Variants in WDR49 observed in about 807,000 individuals in gnomAD.
WDR49 encodes the protein WD repeat domain 49.
In WDR49, 107 loss-of-function variants were observed where a neutral mutation model predicts 119.5. The ratio of observed to expected loss-of-function variants is 0.90; its 90% CI spans 0.77 to 1.05. The LOEUF is 1.05. Among genes scored for constraint, WDR49 ranks in the 50% least tolerant of loss-of-function variants. The pLI is 0.00. For missense variants in WDR49, 1,240 were observed against 1,220.5 expected (o/e 1.02, Z -0.24); for synonymous variants, 425 against 418.8 (o/e 1.01, Z -0.18).
At chr3:167,587,525 A>T (rs1240563952) in intron 7 of WDR49, among the ~76,000 whole-genome samples, 1 of 152,024 alleles carries the variant, frequency 6.6e-6, no homozygotes, top group Non-Finnish European at 1.5e-5. Flanking sequence ...CCTCTCTGTC[A>T]CCCAGGCTGG....
At position 167,602,150 on chromosome 3, in the gene WDR49, G is replaced by GTTGTT. The variant is rs1560307661; in HGVS notation, c.1247_1251dup (p.Leu418AsnfsTer12). The GTTGTT allele has an allele frequency of 6.2e-7, 1 of 1,600,156 alleles. No individual in the cohort carries two copies. Among genetic ancestry groups the GTTGTT allele is most frequent in the Non-Finnish European group, 8.5e-7 (1 of 1,170,220 alleles). The stretch of plus-strand genomic sequence containing the variant: ...ACTTTATCCTTGGAGAAGCTGAAAA[G>GTTGTT]TTGTTTTCTTTCCACAAAGAATTGG... On this transcript the variant is annotated frameshift_variant, in exon 7 of 19. Transcript: ENST00000682715. LOFTEE classifies it high-confidence loss of function.
intron 2 of WDR49, among the ~76,000 whole-genome samples, chr3:167,637,952 T>C (rs1250581532): frequency 6.6e-6 from 1 of 151,592 alleles, no homozygotes; most frequent in Non-Finnish European, 1.5e-5. Flanking sequence ...CAGTTTGACT[T>C]CCTCTTTACC....
In WDR49 at chr3:167,627,032, G is replaced by A. The variant is rs1461838932; in HGVS notation, c.426C>T (p.Thr142=). ...LEFLPVKHKD[T]IQKVIFLKNS... is the part of the protein sequence containing the mutation. ...TTTTTAAGAAAATTACTTTTTGAAT[G>A]GTGTCCTTGTGTTTTACTGGGAGGA... The change falls in exon 3 of 19, where the codon ACC becomes ACT. Residue 142 remains threonine (T), a synonymous_variant. Transcript: ENST00000682715. 9.0e-6 allele frequency: 12 copies of A among 1,326,602 alleles called. No homozygotes were observed. The Admixed American group carries it at 1.3e-4, about 15-fold the overall frequency. The allele number at this position is 1,326,602 out of a possible 1,614,324, so 82.2% of individuals were successfully genotyped here.
At chr3:167,491,047 T>G (rs915874394) in intron 18 of WDR49, among the ~76,000 whole-genome samples, 1 of 152,084 alleles carries the variant, frequency 6.6e-6, no homozygotes, top group Non-Finnish European at 1.5e-5. Context: ...CTATACAGAC[T>G]TTTGGTTGCC....
At chr3:167,543,211 T>G (rs1269809295) in intron 10 of WDR49, among the ~76,000 whole-genome samples, 1 of 151,942 alleles carries the variant, frequency 6.6e-6, no homozygotes, top group Non-Finnish European at 1.5e-5. Flanking sequence ...TATCAGACAT[T>G]CAAAGAATAA....
chr3:167,480,247 TAAAAAAAAAAAAAA>T (rs1162973369), intron 18 of WDR49, among the ~76,000 whole-genome samples: 5 of 55,070 alleles, frequency 9.1e-5, no homozygotes, highest in Non-Finnish European at 1.6e-4. Flanking sequence ...AGACTCTGTC[TAAAAAAAAAAAAAA>T]AAAAAAAAAA....
At chr3:167,495,163 A>G (rs1173987475) in intron 18 of WDR49, among the ~76,000 whole-genome samples, 1 of 152,154 alleles carries the variant, frequency 6.6e-6, no homozygotes, top group Non-Finnish European at 1.5e-5. Flanking sequence ...GGAAAAATAT[A>G]TATATTAGAA....
intron 2 of WDR49, among the ~76,000 whole-genome samples, chr3:167,629,685 A>G (rs1717283074): frequency 6.6e-6 from 1 of 152,156 alleles, no homozygotes; most frequent in Non-Finnish European, 1.5e-5. Flanking sequence ...AAGAATATTC[A>G]TAATTCATGG....
intron 13 of WDR49, among the ~76,000 whole-genome samples, chr3:167,530,677 A>T (rs894942174): frequency 6.6e-6 from 1 of 152,000 alleles, no homozygotes; most frequent in Non-Finnish European, 1.5e-5. Context: ...CATGCTCCTC[A>T]TTATTCTCTT....
intron 7 of WDR49, among the ~76,000 whole-genome samples, chr3:167,576,992 T>C (rs1714284382): frequency 6.6e-6 from 1 of 152,082 alleles, no homozygotes; most frequent in African/African-American, 2.4e-5. Context: ...TTTGGTAAAA[T>C]AAAAGAAGTG....
chr3:167,622,971 C>T (rs2108323609), intron 3 of WDR49, among the ~76,000 whole-genome samples: 1 of 152,030 alleles, frequency 6.6e-6, no homozygotes, highest in East Asian at 1.9e-4. Flanking sequence ...TTCTAAGTAA[C>T]CAATGGGTCA....
chr3:167,653,333 T>C lies in WDR49; in HGVS notation c.93A>G (p.Glu31=), dbSNP rs1478091500. The C allele has an allele frequency of 3.3e-6, 5 of 1,536,172 alleles. No homozygotes were observed. The highest frequency in any genetic ancestry group is 4.4e-6 in the Non-Finnish European group (5 of 1,146,906). Residue 31 remains glutamate (E), a synonymous_variant, in exon 2 of 19, where the codon GAA becomes GAG. Coordinates refer to ENST00000682715, the MANE Select transcript of WDR49 (RefSeq NM_001366157.1). ...TTTCAAGCAGGCCTGTGCCATAGTC[T>C]TCAAATGCAGTTACACCTTCTGTTC... ...PERTEGVTAF[E]DYGTGLLENQ... is the part of the protein sequence containing the mutation.
intron 8 of WDR49, among the ~76,000 whole-genome samples, chr3:167,565,022 C>T (rs1371041042): frequency 1.3e-5 from 2 of 151,740 alleles, no homozygotes; most frequent in Middle Eastern, 3.4e-3. Flanking sequence ...GTTTATGGTC[C>T]TATAATATAA....
intron 5 of WDR49, among the ~76,000 whole-genome samples, chr3:167,605,311 C>T (rs976107343): frequency 2.6e-5 from 4 of 151,960 alleles, no homozygotes; most frequent in Non-Finnish European, 5.9e-5. Flanking sequence ...TAGAAAATTC[C>T]ATAGCTATCT....
Position 167,547,163 on chromosome 3 carries a change from A to T in WDR49, c.1823+7487T>A, listed in dbSNP as rs572306858. On this transcript the variant is annotated intron_variant, in intron 10 of 18. Coordinates refer to ENST00000682715, the MANE Select transcript of WDR49 (RefSeq NM_001366157.1). Reference sequence around the variant, plus strand: ...TAATAATGGAAACCAATTGAGTCATACAGAGTTATAGTTTCTTAGTAAGGC... The same window carrying T: ...TAATAATGGAAACCAATTGAGTCATTCAGAGTTATAGTTTCTTAGTAAGGC... 2.0e-5 allele frequency among the ~76,000 whole-genome samples: 3 copies of T among 152,002 alleles called. No homozygotes were observed. The East Asian group carries it at 5.8e-4, about 29-fold the overall frequency.
chr3:167,545,453 C>T (rs981245090), intron 10 of WDR49, among the ~76,000 whole-genome samples: 1 of 144,484 alleles, frequency 6.9e-6, no homozygotes, highest in Non-Finnish European at 1.5e-5. Flanking sequence ...CCCAAATGCC[C>T]GTCAATCAAT....
intron 15 of WDR49, among the ~76,000 whole-genome samples, chr3:167,526,578 G>A (rs1199149957): frequency 1.3e-5 from 2 of 152,020 alleles, no homozygotes; most frequent in East Asian, 1.9e-4. Context: ...CCACTTAGCC[G>A]CTTTTTTTCC....
chr3:167,590,314 T>C (rs1715041384), intron 7 of WDR49, among the ~76,000 whole-genome samples: 1 of 152,136 alleles, frequency 6.6e-6, no homozygotes, highest in Admixed American at 6.6e-5. Flanking sequence ...TAGTATTTTG[T>C]TGAGGATTTT....
chr3:167,509,412 A>T (rs7643609), intron 16 of WDR49, among the ~76,000 whole-genome samples: 2 of 152,234 alleles, frequency 1.3e-5, no homozygotes, highest in African/African-American at 4.8e-5. Flanking sequence ...TTAGTCTAGT[A>T]GACTTTGAAT....
Sources: gnomAD v4.1 joint callset for allele counts (sites outside exome capture counted in the v4.1 genomes callset) on GRCh38, gnomAD v4.1.1 for gene constraint, MANE v1.5 for transcripts, NCBI Gene and HGNC (gene_info 2026-07-23, HGNC 2026-07-21) for gene names.